Variants in NHERF2 observed in about 807,000 individuals in gnomAD.
The protein encoded by NHERF2 is NHERF family PDZ scaffold protein 2.
chr16:2,031,799 C>T, the NHERF2 span, among the ~76,000 whole-genome samples: 16 of 152,186 alleles, frequency 1.1e-4, no homozygotes, highest in Admixed American at 5.9e-4. Context: ...TCAAGCGATT[C>T]TCTTGCCTCA....
chr16:2,030,129 G>C, the NHERF2 span, among the ~76,000 whole-genome samples: 1 of 152,226 alleles, frequency 6.6e-6, no homozygotes, highest in Non-Finnish European at 1.5e-5. Context: ...CCAGGTCTGC[G>C]TGTGCGCAGC....
At chr16:2,029,491 G>T in the NHERF2 span, 1 of 1,247,704 alleles carries the variant, frequency 8.0e-7, no homozygotes, top group East Asian at 2.6e-5. Flanking sequence ...CCGCCTGTCC[G>T]CACGCCTGGG....
the NHERF2 span, among the ~76,000 whole-genome samples, chr16:2,034,883 G>A: frequency 5.9e-5 from 9 of 152,262 alleles, no homozygotes; most frequent in Admixed American, 2.6e-4. Context: ...GCACTTTGGT[G>A]GGCAGGTGTC....
the NHERF2 span, chr16:2,032,865 C>G: frequency 2.2e-5 from 22 of 1,015,770 alleles, no homozygotes; most frequent in South Asian, 7.5e-5. The surrounding 1 kb of genome is among the most constrained non-coding windows in gnomAD (Gnocchi z 4.0). Flanking sequence ...CTGCCCCCTG[C>G]CCCTAGCCCA....
At chr16:2,030,354 C>T in the NHERF2 span, among the ~76,000 whole-genome samples, 2 of 152,138 alleles carry the variant, frequency 1.3e-5, no homozygotes, top group Non-Finnish European at 2.9e-5. Context: ...GAGCCCACTC[C>T]TCCCCCTAGA....
chr16:2,031,987 C>T, the NHERF2 span, among the ~76,000 whole-genome samples: 15 of 150,890 alleles, frequency 9.9e-5, no homozygotes, highest in African/African-American at 2.9e-4. Flanking sequence ...CCACTGTACC[C>T]GGCCCCTGAG....
chr16:2,032,092 TCA>T, the NHERF2 span, among the ~76,000 whole-genome samples: 3 of 151,036 alleles, frequency 2.0e-5, no homozygotes, highest in African/African-American at 7.3e-5. The surrounding 1 kb of genome is among the most constrained non-coding windows in gnomAD (Gnocchi z 4.0). Context: ...CGATCTCGGC[TCA>T]CTGCAAGCTC....
the NHERF2 span, chr16:2,036,830 G>A: frequency 1.2e-6 from 2 of 1,613,092 alleles, no homozygotes; most frequent in Admixed American, 1.7e-5. Context: ...CCCCGAGACA[G>A]ATGAACACTT....
chr16:2,038,423 T>G, the NHERF2 span: 1 of 245,970 alleles, frequency 4.1e-6, no homozygotes, highest in Non-Finnish European at 7.5e-6. Flanking sequence ...CCCTCCCCCT[T>G]CCCCTCCCCC....
the NHERF2 span, chr16:2,037,588 C>G: frequency 6.2e-7 from 1 of 1,612,856 alleles, no homozygotes. Context: ...CTGGTTCCGA[C>G]AAGGACACTG....
At chr16:2,034,720 C>A in the NHERF2 span, among the ~76,000 whole-genome samples, 1 of 108,376 alleles carries the variant, frequency 9.2e-6, no homozygotes, top group East Asian at 2.8e-4. Flanking sequence ...ACCTCCCCTC[C>A]CGAACTGGGC....
the NHERF2 span, among the ~76,000 whole-genome samples, chr16:2,027,657 G>A: frequency 2.9e-3 from 444 of 152,360 alleles, 8 homozygotes; most frequent in Admixed American, 0.026. Context: ...GTACCCAGGA[G>A]GGGTCGCAGT....
chr16:2,029,751 C>G, the NHERF2 span: 1 of 1,553,576 alleles, frequency 6.4e-7, no homozygotes, highest in Non-Finnish European at 8.7e-7. Context: ...TGGGCACACA[C>G]CGGCAGCCAC....
chr16:2,031,137 C>G, the NHERF2 span, among the ~76,000 whole-genome samples: 1 of 152,180 alleles, frequency 6.6e-6, no homozygotes, highest in Non-Finnish European at 1.5e-5. Context: ...GGAGCTGAGC[C>G]CGGGGGGAGC....
the NHERF2 span, chr16:2,029,514 G>C: frequency 1.1e-4 from 153 of 1,422,602 alleles, no homozygotes; most frequent in Admixed American, 2.9e-3. Flanking sequence ...AGCCCAGAGT[G>C]GTGCCACTGC....
the NHERF2 span, chr16:2,036,427 G>C: frequency 6.2e-7 from 1 of 1,606,994 alleles, no homozygotes; most frequent in Non-Finnish European, 8.5e-7. Context: ...TCCCGGCCCG[G>C]CCAGTACATC....
At chr16:2,030,898 G>A in the NHERF2 span, among the ~76,000 whole-genome samples, 2 of 151,860 alleles carry the variant, frequency 1.3e-5, no homozygotes, top group South Asian at 2.1e-4. Context: ...CCGAGATCCC[G>A]CCATAGCACT....
the NHERF2 span, chr16:2,032,901 T>C: frequency 3.8e-6 from 4 of 1,041,824 alleles, no homozygotes; most frequent in Non-Finnish European, 4.6e-6. The surrounding 1 kb of genome is among the most constrained non-coding windows in gnomAD (Gnocchi z 4.0). Flanking sequence ...CTGGAGGGCC[T>C]TGGGGGCTAA....
the NHERF2 span, among the ~76,000 whole-genome samples, chr16:2,034,079 C>T: frequency 4.6e-5 from 7 of 152,202 alleles, no homozygotes; most frequent in Admixed American, 4.6e-4. Flanking sequence ...CCCACCAGAT[C>T]CTGCTTCCTG....
Sources: allele counts gnomAD v4.1 joint callset (sites outside exome capture counted in the v4.1 genomes callset), GRCh38; gene constraint gnomAD v4.1.1; non-coding constraint Gnocchi (gnomAD v3.1); transcripts MANE v1.5; gene names NCBI Gene and HGNC (gene_info 2026-07-23, HGNC 2026-07-21).